SLC25A13: variants seen among roughly 807,000 people sequenced by gnomAD.
SLC25A13 encodes electrogenic aspartate/glutamate antiporter SLC25A13, mitochondrial.
A neutral mutation model predicts 85.5 loss-of-function variants in SLC25A13; 70 were observed. The ratio of observed to expected loss-of-function variants is 0.82; its 90% CI spans 0.68 to 1.00. The LOEUF is 1.00. Among genes scored for constraint, SLC25A13 ranks in the 50% least tolerant of loss-of-function variants. The pLI is 0.00. For missense variants in SLC25A13, 765 were observed against 819.8 expected (o/e 0.93, Z 0.82); for synonymous variants, 259 against 288.7 (o/e 0.90, Z 1.04).
intron 14 of SLC25A13, among the ~76,000 whole-genome samples, chr7:96,133,248 T>A (rs1176814959): frequency 2.0e-5 from 3 of 152,232 alleles, no homozygotes; most frequent in Admixed American, 1.3e-4. Context: ...AGCACTCATC[T>A]ACCTCATGTA....
At chr7:96,157,066 G>C (rs781154714) in intron 13 of SLC25A13, among the ~76,000 whole-genome samples, 1 of 152,108 alleles carries the variant, frequency 6.6e-6, no homozygotes, top group Non-Finnish European at 1.5e-5. Flanking sequence ...GGAAGTCCAT[G>C]ATCTTCATAA....
chr7:96,316,985 T>A (rs956719584), intron 1 of SLC25A13, among the ~76,000 whole-genome samples: 3 of 152,228 alleles, frequency 2.0e-5, no homozygotes, highest in African/African-American at 4.8e-5. Flanking sequence ...ATTTTATTTT[T>A]TTGAGACAGA....
At chr7:96,287,926 A>G (rs1463058700) in intron 2 of SLC25A13, among the ~76,000 whole-genome samples, 1 of 152,196 alleles carries the variant, frequency 6.6e-6, no homozygotes, top group African/African-American at 2.4e-5. Flanking sequence ...TCTGCAAGTG[A>G]TCTTTCAGAT....
chr7:96,189,784 C>A, intron 7 of SLC25A13, 110 bp from the exon 8 acceptor site: 2 of 922,116 alleles, frequency 2.2e-6, no homozygotes, highest in South Asian at 1.3e-5. Context: ...TTATTATTAT[C>A]ATCAGTTGTA....
intron 3 of SLC25A13, among the ~76,000 whole-genome samples, chr7:96,250,188 AAAAAAG>A (rs989599786): frequency 2.2e-4 from 33 of 152,320 alleles, no homozygotes; most frequent in African/African-American, 7.5e-4. Context: ...CTCTGTCTCA[AAAAAAG>A]AAAAAAAACT....
chr7:96,144,341 G>T (rs1792689669), intron 14 of SLC25A13, among the ~76,000 whole-genome samples: 1 of 152,118 alleles, frequency 6.6e-6, no homozygotes, highest in Admixed American at 6.6e-5. Flanking sequence ...TGACTCCCGG[G>T]TCTCTGAATG....
At chr7:96,163,771 G>C (rs1793619013) in intron 13 of SLC25A13, among the ~76,000 whole-genome samples, 2 of 152,132 alleles carry the variant, frequency 1.3e-5, no homozygotes, top group African/African-American at 4.8e-5. Context: ...AAGAAGACCA[G>C]AGATTTCAGG....
chr7:96,212,961 G>T (rs989725048), intron 4 of SLC25A13, among the ~76,000 whole-genome samples: 6 of 152,144 alleles, frequency 3.9e-5, no homozygotes, highest in Non-Finnish European at 7.4e-5. Context: ...TCTAATTGGA[G>T]AAGCCAAATG....
chr7:96,200,931 T>C (rs1281219210), intron 5 of SLC25A13, among the ~76,000 whole-genome samples: 1 of 152,170 alleles, frequency 6.6e-6, no homozygotes, highest in African/African-American at 2.4e-5. Flanking sequence ...GGCTGGAACG[T>C]GTCCTGCATC....
intron 5 of SLC25A13, among the ~76,000 whole-genome samples, chr7:96,203,811 T>C (rs1034573935): frequency 1.3e-5 from 2 of 152,198 alleles, no homozygotes; most frequent in African/African-American, 4.8e-5. Flanking sequence ...TAAGAACTTG[T>C]TGATGATCGC....
intron 2 of SLC25A13, among the ~76,000 whole-genome samples, chr7:96,277,798 TAAA>T (rs5885954): frequency 1.8e-4 from 26 of 147,014 alleles, no homozygotes; most frequent in African/African-American, 6.0e-4. Flanking sequence ...CATAGCTTTT[TAAA>T]AAAAAAAAAA....
intron 14 of SLC25A13, among the ~76,000 whole-genome samples, chr7:96,142,860 T>C (rs1792623176): frequency 6.6e-6 from 1 of 152,236 alleles, no homozygotes; most frequent in African/African-American, 2.4e-5. Context: ...TTTCTGAGTT[T>C]ATGAACAATA....
chr7:96,313,976 C>A (rs1241497955), intron 1 of SLC25A13, among the ~76,000 whole-genome samples: 1 of 152,082 alleles, frequency 6.6e-6, no homozygotes, highest in Non-Finnish European at 1.5e-5. Flanking sequence ...TAAACTAGTA[C>A]ATTCTGTTTT....
chr7:96,171,482 AT>A lies in SLC25A13; in HGVS notation c.1219del (p.Ile407Ter). 1 of 1,613,332 alleles carries A rather than the reference AT, an allele frequency of 6.2e-7. No homozygotes were observed. Among genetic ancestry groups the A allele is most frequent in the Non-Finnish European group, 8.5e-7 (1 of 1,179,288 alleles). On this transcript the variant is annotated frameshift_variant, in exon 12 of 18. Coordinates refer to ENST00000265631, the MANE Select transcript of SLC25A13 (RefSeq NM_014251.3). LOFTEE classifies it high-confidence loss of function. ...QLLGVAPEKA[I>X]KLTVNDFVRD... ...ACTCAAAAGACTTACTGTAAGTTTT[AT>A]GGCCTTCTCTGGGGCAACTCCCAAT... is the stretch of plus-strand genomic sequence containing the variant.
chr7:96,231,786 C>T (rs1796550669), intron 4 of SLC25A13, among the ~76,000 whole-genome samples: 1 of 151,548 alleles, frequency 6.6e-6, no homozygotes, highest in Non-Finnish European at 1.5e-5. Flanking sequence ...CAAAAGAACA[C>T]ATATACGCGG....
chr7:96,170,182 C>A lies in SLC25A13; in HGVS notation c.1231-57G>T, dbSNP rs1335459101. 2.7e-6 allele frequency: 4 copies of A among 1,460,252 alleles called. No individual in the cohort carries two copies. In the East Asian group the frequency reaches 9.1e-5, roughly 33 times the overall value. The allele number at this position is 1,460,252 out of a possible 1,614,324, so 90.5% of individuals were successfully genotyped here. On this transcript the variant is annotated intron_variant, in intron 12 of 17. Transcript: ENST00000265631. ...AAAATATAAAGAAAGTCATTAAACA[C>A]TTATAAATATGCATCTGTCAATATA...
chr7:96,170,165 A>C, intron 12 of SLC25A13, 40 bp from the exon 13 acceptor site: 1 of 1,563,272 alleles, frequency 6.4e-7, no homozygotes, highest in Non-Finnish European at 8.8e-7. Context: ...GAAAAATATA[A>C]AGAAAGTCAT....
At chr7:96,138,509 C>G (rs1033854729) in intron 14 of SLC25A13, among the ~76,000 whole-genome samples, 2 of 151,656 alleles carry the variant, frequency 1.3e-5, no homozygotes, top group South Asian at 2.1e-4. Flanking sequence ...GCTCTTCCCC[C>G]CTCAGCCTCC....
intron 13 of SLC25A13, among the ~76,000 whole-genome samples, chr7:96,158,438 G>T (rs1440914411): frequency 6.6e-6 from 1 of 152,130 alleles, no homozygotes; most frequent in East Asian, 1.9e-4. Flanking sequence ...AAATATAACT[G>T]TAATTTAATC....
Sources: allele counts gnomAD v4.1 joint callset (sites outside exome capture counted in the v4.1 genomes callset), GRCh38; gene constraint gnomAD v4.1.1; transcripts MANE v1.5; gene names NCBI Gene and HGNC (gene_info 2026-07-23, HGNC 2026-07-21).